The following SULT2B1 variants were observed in gnomAD, a reference collection of about 807,000 sequenced individuals.
SULT2B1 encodes sulfotransferase family 2B member 1, also known as sulfotransferase 2B1.
SULT2B1 carries 16 observed loss-of-function variants against 33.2 expected under a neutral mutation model. The ratio of observed to expected loss-of-function variants is 0.48; its 90% confidence interval spans 0.33 to 0.73. SULT2B1 has a LOEUF of 0.73. Ranked by LOEUF, SULT2B1 falls within the 30% of genes least tolerant of loss-of-function variation. The pLI is 0.02. For missense variants in SULT2B1, 500 were observed against 506.0 expected (o/e 0.99, Z 0.11); for synonymous variants, 186 against 200.5 (o/e 0.93, Z 0.61).
At chr19:48,559,206 A>G (rs1259342355) in intron 1 of SULT2B1, among the ~76,000 whole-genome samples, 1 of 151,952 alleles carries the variant, frequency 6.6e-6, no homozygotes, top group East Asian at 1.9e-4. Flanking sequence ...AGCCTTGAAG[A>G]GTGAGGGACA....
chr19:48,556,062 G>A (rs566680335), intron 1 of SULT2B1, among the ~76,000 whole-genome samples: 2 of 152,298 alleles, frequency 1.3e-5, no homozygotes, highest in African/African-American at 4.8e-5. Context: ...CTTTAGTAGA[G>A]AAAGGGTTTC....
At chr19:48,589,268 A>C (rs144411104) in intron 3 of SULT2B1, among the ~76,000 whole-genome samples, 1,809 of 143,328 alleles carry the variant, frequency 0.013, 40 homozygotes, top group African/African-American at 0.045. Flanking sequence ...GGTGACTCCA[A>C]GGTTTCGGCG....
intron 5 of SULT2B1, among the ~76,000 whole-genome samples, chr19:48,594,521 C>T (rs926184975): frequency 2.0e-5 from 3 of 152,164 alleles, no homozygotes; most frequent in African/African-American, 7.2e-5. Flanking sequence ...TCTCCAAACC[C>T]AGAACTGGGC....
intron 1 of SULT2B1, among the ~76,000 whole-genome samples, chr19:48,554,727 G>A (rs1199777381): frequency 1.6e-5 from 2 of 125,246 alleles, no homozygotes; most frequent in Admixed American, 9.9e-5. Context: ...ACAGTGGAAC[G>A]ATCTCGGCTC....
At chr19:48,576,528 T>G (rs1048742652) in intron 2 of SULT2B1, among the ~76,000 whole-genome samples, 1 of 150,270 alleles carries the variant, frequency 6.7e-6, no homozygotes, top group Non-Finnish European at 1.5e-5. Flanking sequence ...GACAAGGTCT[T>G]GCTCTGTCAC....
At position 48,591,668 on chromosome 19, in the gene SULT2B1, G is replaced by A; in HGVS notation, c.483G>A (p.Lys161=). The A allele has an allele frequency of 6.2e-7, 1 of 1,613,588 alleles. No homozygotes were observed. The highest frequency in any genetic ancestry group is 8.5e-7 in the Non-Finnish European group (1 of 1,179,730). ...DVVVSLYHYS[K]IAGQLKDPGT... The stretch of plus-strand genomic sequence containing the variant: ...TGGTCTCCCTCTATCATTACTCCAA[G>A]ATCGCCGGGCAGTTAAAGGACCCGG... The change falls in exon 4 of 7, where the codon AAG becomes AAA. Residue 161 remains lysine, a synonymous_variant. Coordinates refer to ENST00000201586, the MANE Select transcript of SULT2B1 (RefSeq NM_177973.2).
chr19:48,598,240 A>G (rs560816657), intron 6 of SULT2B1, among the ~76,000 whole-genome samples: 1 of 152,246 alleles, frequency 6.6e-6, no homozygotes, highest in Non-Finnish European at 1.5e-5. Flanking sequence ...TCTGAATGCC[A>G]TGAGCCCCAG....
At chr19:48,562,963 A>C (rs1973200261) in intron 1 of SULT2B1, among the ~76,000 whole-genome samples, 1 of 152,170 alleles carries the variant, frequency 6.6e-6, no homozygotes, top group Admixed American at 6.6e-5. Flanking sequence ...TACAGGCGTG[A>C]GCCACCATGA....
intron 1 of SULT2B1, among the ~76,000 whole-genome samples, chr19:48,553,425 A>G (rs761945634): frequency 6.6e-6 from 1 of 152,186 alleles, no homozygotes; most frequent in Non-Finnish European, 1.5e-5. Context: ...CTCCAGCCTC[A>G]GCTTCCCAAG....
At position 48,592,846 on chromosome 19, in the gene SULT2B1, T is replaced by TC. The variant is rs772744958; in HGVS notation, c.645+37dup. The TC allele has an allele frequency of 4.6e-6, 7 of 1,534,240 alleles. No individual in the cohort carries two copies. The Admixed American group carries it at 1.2e-4, about 26-fold the overall frequency. On this transcript the variant is annotated intron_variant, in intron 5 of 6. Coordinates refer to ENST00000201586, the MANE Select transcript of SULT2B1 (RefSeq NM_177973.2). ...GTCCCCACCTCCTCCAGGTGCAGCGTCCCCCCCATACCCTCTGCTCACACC... is the reference window on the plus strand; with the variant it reads ...GTCCCCACCTCCTCCAGGTGCAGCGTCCCCCCCCATACCCTCTGCTCACACC...
At chr19:48,580,367 C>G (rs1453014038) in intron 2 of SULT2B1, among the ~76,000 whole-genome samples, 1 of 142,862 alleles carries the variant, frequency 7.0e-6, no homozygotes, top group Non-Finnish European at 1.5e-5. Flanking sequence ...TCAAACAATT[C>G]TCCTGCCTCA....
At chr19:48,592,401 T>C (rs1399753892) in intron 4 of SULT2B1, among the ~76,000 whole-genome samples, 2 of 152,222 alleles carry the variant, frequency 1.3e-5, no homozygotes, top group Non-Finnish European at 2.9e-5. Context: ...CCCCTGGTAC[T>C]AAGAAAGGCA....
rs776667015 is a variant in SULT2B1 at position 48,587,442 on chromosome 19, G to A, written c.423+5G>A. ...TTCTTCAGCTCCAAGGCCAAGGTTG[G>A]GAGGAGGGGTGTGTGTCAGTTGGGA... On this transcript the variant is annotated splice_donor_5th_base_variant and intron_variant, in intron 3 of 6. Coordinates refer to ENST00000201586, the MANE Select transcript of SULT2B1 (RefSeq NM_177973.2). 1 of 1,614,174 alleles carries A rather than the reference G, an allele frequency of 6.2e-7. No individual in the cohort carries two copies. The highest frequency in any genetic ancestry group is 1.7e-4 in the Middle Eastern group (1 of 6,060).
Position 48,552,190 on chromosome 19 carries a change from C to T in SULT2B1, c.-63C>T. 6.5e-7 allele frequency: 1 copy of T among 1,543,562 alleles called. No homozygotes were observed. Among genetic ancestry groups the T allele is most frequent in the Non-Finnish European group, 8.9e-7 (1 of 1,122,588 alleles). On this transcript the variant is annotated 5_prime_UTR_variant, in exon 1 of 7. Coordinates refer to ENST00000201586, the MANE Select transcript of SULT2B1 (RefSeq NM_177973.2). This position sits in a 1 kb window ranked among gnomAD's most constrained non-coding sequence, Gnocchi z 4.8. ...AGGTGGCAGACGCTGTCGCTGCGCA[C>T]ACCTGGCCTCTGTGCCGCCTGCTCC...
At chr19:48,592,866 C>T (rs760503390) in intron 5 of SULT2B1, 50 bp downstream of exon 5, 23 of 1,460,508 alleles carry the variant, frequency 1.6e-5, no homozygotes, top group Non-Finnish European at 2.1e-5. Context: ...ACCCTCTGCT[C>T]ACACCCCACA....
At chr19:48,592,851 C>T (rs1601112172) in intron 5 of SULT2B1, 35 bp downstream of exon 5, 1 of 1,526,702 alleles carries the variant, frequency 6.6e-7, no homozygotes, top group Admixed American at 2.0e-5. Flanking sequence ...CAGCGTCCCC[C>T]CCATACCCTC....
At chr19:48,588,799 G>A (rs972466355) in intron 3 of SULT2B1, among the ~76,000 whole-genome samples, 1 of 151,946 alleles carries the variant, frequency 6.6e-6, no homozygotes, top group Non-Finnish European at 1.5e-5. Context: ...TCTAGAGGAA[G>A]AGCATTTCAG....
rs1973367222 is a variant in SULT2B1, at chr19:48,573,978, A to T, written c.72-1963A>T. On this transcript the variant is annotated intron_variant, in intron 1 of 6. Coordinates refer to ENST00000201586, the MANE Select transcript of SULT2B1 (RefSeq NM_177973.2). ...CTGGCTCAATTGATCCTCCCGCCTC[A>T]GACTCCCAAGTAGCTGGGACTACAC... 7.9e-5 allele frequency among the ~76,000 whole-genome samples: 12 copies of T among 152,272 alleles called. No homozygotes were observed. In the South Asian group the frequency reaches 2.5e-3, roughly 32 times the overall value.
chr19:48,553,463 A>G (rs1973053739), intron 1 of SULT2B1, among the ~76,000 whole-genome samples: 1 of 152,108 alleles, frequency 6.6e-6, no homozygotes, highest in Non-Finnish European at 1.5e-5. Context: ...GCCCGCCACC[A>G]TGCCCGGCTA....
Sources: gnomAD v4.1 joint callset for allele counts (sites outside exome capture counted in the v4.1 genomes callset) on GRCh38, gnomAD v4.1.1 for gene constraint, Gnocchi (gnomAD v3.1) non-coding constraint, MANE v1.5 for transcripts, NCBI Gene and HGNC (gene_info 2026-07-23, HGNC 2026-07-21) for gene names.